The following NBAS variants were observed in gnomAD, a reference collection of about 807,000 sequenced individuals.
NBAS encodes the protein NAG/BC035112 fusion.
In NBAS, 219 loss-of-function variants were observed where a neutral mutation model predicts 302.5. That is an observed-to-expected ratio of 0.72 (90% confidence interval 0.65 to 0.81). The LOEUF (loss-of-function observed/expected upper bound fraction) is 0.81. Among genes scored for constraint, NBAS ranks in the 30% least tolerant of loss-of-function variants. The pLI is 0.00. For missense variants in NBAS, 2,932 were observed against 2,841.6 expected (o/e 1.03, Z -0.72); for synonymous variants, 1,118 against 1,021.6 (o/e 1.09, Z -1.80).
At chr2:15,301,298 G>T (rs1670782361) in intron 40 of NBAS, among the ~76,000 whole-genome samples, 1 of 152,180 alleles carries the variant, frequency 6.6e-6, no homozygotes, top group Non-Finnish European at 1.5e-5. Context: ...CTTCTGAGTT[G>T]TATCTTCTAT....
chr2:15,547,001 T>C (rs185442946), intron 6 of NBAS, among the ~76,000 whole-genome samples: 18 of 152,302 alleles, frequency 1.2e-4, no homozygotes, highest in Admixed American at 1.0e-3. Context: ...ATCAAAACTA[T>C]GAAAAAATCT....
intron 9 of NBAS, among the ~76,000 whole-genome samples, chr2:15,511,673 G>A (rs913726121): frequency 6.6e-6 from 1 of 152,194 alleles, no homozygotes; most frequent in Non-Finnish European, 1.5e-5. Context: ...TAATAGATGT[G>A]TAGCCTCACC....
intron 41 of NBAS, among the ~76,000 whole-genome samples, chr2:15,291,783 G>GA (rs1670315213): frequency 6.6e-6 from 1 of 152,132 alleles, no homozygotes; most frequent in Non-Finnish European, 1.5e-5. Context: ...CATGTGCTTT[G>GA]AAAACTGAGA....
chr2:15,411,693 A>T (rs1440530392), intron 25 of NBAS, among the ~76,000 whole-genome samples: 1 of 152,216 alleles, frequency 6.6e-6, no homozygotes, highest in African/African-American at 2.4e-5. Flanking sequence ...TGTTAAAAGA[A>T]GAGTGGACAT....
the NBAS span, among the ~76,000 whole-genome samples, chr2:14,996,128 A>G: frequency 1.3e-5 from 2 of 152,186 alleles, no homozygotes; most frequent in African/African-American, 2.4e-5. Flanking sequence ...CAGATCTTCA[A>G]TCGTGTCTTT....
the NBAS span, among the ~76,000 whole-genome samples, chr2:15,141,402 A>G: frequency 4.6e-5 from 7 of 152,232 alleles, no homozygotes; most frequent in African/African-American, 1.7e-4. Flanking sequence ...AGACGACAAC[A>G]GTGAGGCTCA....
intron 6 of NBAS, among the ~76,000 whole-genome samples, chr2:15,545,011 G>GT (rs1664035162): frequency 9.5e-6 from 1 of 104,792 alleles, no homozygotes; most frequent in Non-Finnish European, 2.5e-5. Context: ...ACTCTGGCTG[G>GT]CAAAAAAAAA....
At chr2:15,440,001 G>A (rs887518710) in intron 21 of NBAS, among the ~76,000 whole-genome samples, 131 of 152,374 alleles carry the variant, frequency 8.6e-4, no homozygotes, top group Admixed American at 2.2e-3. Context: ...CAAAGCAGGC[G>A]GGAAGCTCGA....
intron 34 of NBAS, 124 bp downstream of exon 34, chr2:15,353,429 T>C: frequency 1.7e-6 from 2 of 1,182,492 alleles, no homozygotes; most frequent in East Asian, 2.3e-5. Context: ...TAAGTGACAA[T>C]CTAGTTTTCT....
chr2:15,516,870 A>G (rs1662417659), intron 9 of NBAS, among the ~76,000 whole-genome samples: 1 of 152,216 alleles, frequency 6.6e-6, no homozygotes, highest in South Asian at 2.1e-4. Flanking sequence ...ATCACAAAAA[A>G]AGAAATCCAA....
At position 15,327,602 on chromosome 2, in the gene NBAS, G is replaced by T. The variant is rs962727961; in HGVS notation, c.4582+148C>A. 3.2e-6 allele frequency: 3 copies of T among 934,466 alleles called. No homozygotes were observed. In the East Asian group the frequency reaches 7.3e-5, roughly 23 times the overall value. 57.9% of individuals were successfully genotyped at this position (934,466 alleles called of 1,614,324 possible). A position where few individuals can be genotyped will look rare whatever the true frequency, so the allele number is the denominator to read the frequency against. ...GTGTTTTAAACAAAATTAATAAATGGATGAATGAACGAATGATGATGTCAA... is the reference window on the plus strand; with the variant it reads ...GTGTTTTAAACAAAATTAATAAATGTATGAATGAACGAATGATGATGTCAA... On this transcript the variant is annotated intron_variant, in intron 38 of 51. Coordinates refer to ENST00000281513, the MANE Select transcript of NBAS (RefSeq NM_015909.4).
Position 15,561,227 on chromosome 2 carries a change from C to CA in NBAS, c.77dup (p.Leu26PhefsTer12). The CA allele has an allele frequency of 6.2e-7, 1 of 1,614,002 alleles. No homozygotes were observed. Among genetic ancestry groups the CA allele is most frequent in the Non-Finnish European group, 8.5e-7 (1 of 1,180,034 alleles). ...CCGGTGGCCACTCGGTGTTGACCAA[C>CA]AAGTCATAGAGAATCGTCTCCTCCT... On this transcript the variant is annotated frameshift_variant, in exon 1 of 52. Transcript: ENST00000281513. LOFTEE classifies it high-confidence loss of function.
At chr2:15,400,914 C>A (rs1177111544) in intron 26 of NBAS, among the ~76,000 whole-genome samples, 5 of 152,140 alleles carry the variant, frequency 3.3e-5, no homozygotes, top group African/African-American at 1.2e-4. Flanking sequence ...TACCTTGTCT[C>A]TCTATTTCCC....
Position 15,341,402 on chromosome 2 carries a change from G to GAATAAATA in NBAS, c.4179+10582_4179+10589dup, listed in dbSNP as rs3085584. On this transcript the variant is annotated intron_variant, in intron 35 of 51. Coordinates refer to ENST00000281513, the MANE Select transcript of NBAS (RefSeq NM_015909.4). Reference sequence around the variant, plus strand: ...CACTATCTCTAATAAATAAATAAATGAATAAATAAATAAATAAATAAATAA... The same window carrying GAATAAATA: ...CACTATCTCTAATAAATAAATAAATGAATAAATAAATAAATAAATAAATAAATAAATAA... Among the ~76,000 whole-genome samples, 1,243 of 148,208 alleles carry GAATAAATA rather than the reference G, an allele frequency of 8.4e-3. 14 individuals carry two copies. Among genetic ancestry groups the GAATAAATA allele is most frequent in the African/African-American group, 0.023 (920 of 40,628 alleles).
At chr2:14,856,659 A>G in the NBAS span, among the ~76,000 whole-genome samples, 2 of 152,144 alleles carry the variant, frequency 1.3e-5, no homozygotes, top group African/African-American at 4.8e-5. Context: ...TGCAGTTGGC[A>G]TACTGAAGAA....
At chr2:15,414,438 T>C (rs1676822673) in intron 25 of NBAS, among the ~76,000 whole-genome samples, 1 of 152,206 alleles carries the variant, frequency 6.6e-6, no homozygotes, top group South Asian at 2.1e-4. Context: ...GCCAACTTGC[T>C]TGCATACCCT....
At chr2:15,192,972 C>A (rs1665433991) in intron 48 of NBAS, among the ~76,000 whole-genome samples, 1 of 152,004 alleles carries the variant, frequency 6.6e-6, no homozygotes, top group Non-Finnish European at 1.5e-5. Flanking sequence ...TTTTCAGAAA[C>A]TGTAATATAC....
chr2:15,248,724 A>G (rs1668220917), intron 44 of NBAS, among the ~76,000 whole-genome samples: 1 of 152,216 alleles, frequency 6.6e-6, no homozygotes, highest in African/African-American at 2.4e-5. Context: ...GAAGAAATGG[A>G]TAAATTCCTG....
intron 21 of NBAS, among the ~76,000 whole-genome samples, chr2:15,431,825 C>A (rs1370045221): frequency 6.6e-6 from 1 of 151,630 alleles, no homozygotes; most frequent in African/African-American, 2.4e-5. Flanking sequence ...GTTGGATATC[C>A]CATTATATCT....
Sources: allele counts gnomAD v4.1 joint callset (sites outside exome capture counted in the v4.1 genomes callset), GRCh38; gene constraint gnomAD v4.1.1; transcripts MANE v1.5; gene names NCBI Gene and HGNC (gene_info 2026-07-23, HGNC 2026-07-21).